The following CFAP54 variants were observed in gnomAD, a reference collection of about 807,000 sequenced individuals.
CFAP54 encodes cilia and flagella associated protein 54.
Under a neutral mutation model 370.4 loss-of-function variants are expected in CFAP54, and 290 were observed. The ratio of observed to expected loss-of-function variants is 0.78; its 90% CI spans 0.71 to 0.86. CFAP54 has a LOEUF of 0.86. CFAP54 is among the 40% of genes least tolerant of loss of function. The pLI is 0.00. For missense variants in CFAP54, 3,399 were observed against 3,528.7 expected (o/e 0.96, Z 0.93); for synonymous variants, 1,206 against 1,236.5 (o/e 0.98, Z 0.52).
intron 55 of CFAP54, among the ~76,000 whole-genome samples, chr12:96,745,270 C>CCACAGTGTG (rs1279738312): frequency 6.6e-6 from 1 of 152,152 alleles, no homozygotes; most frequent in Non-Finnish European, 1.5e-5. Flanking sequence ...CACACTGTCT[C>CCACAGTGTG]CACAGTGGTT....
At chr12:96,513,091 A>T in intron 5 of CFAP54, 47 bp downstream of exon 5, 1 of 1,199,136 alleles carries the variant, frequency 8.3e-7, no homozygotes, top group East Asian at 2.8e-5. Context: ...TTCCTGTTTT[A>T]TTTTTCTTAA....
chr12:96,533,979 A>G lies in CFAP54; in HGVS notation c.1539+6A>G, dbSNP rs538812437. On this transcript the variant is annotated splice_donor_region_variant and intron_variant, in intron 10 of 67. Coordinates refer to ENST00000524981, the MANE Select transcript of CFAP54 (RefSeq NM_001306084.2). ...ATCTTATTTATTTTCTCCAGGTAAT[A>G]TATGCAAAATTATCCTCCTGGTTTT... The G allele has an allele frequency of 4.6e-5, 69 of 1,503,094 alleles. No individual in the cohort carries two copies. In the African/African-American group the frequency reaches 7.0e-4, roughly 15 times the overall value. 93.1% of individuals were successfully genotyped at this position (1,503,094 alleles called of 1,614,324 possible). A position where few individuals can be genotyped will look rare whatever the true frequency, so the allele number is the denominator to read the frequency against.
intron 51 of CFAP54, among the ~76,000 whole-genome samples, chr12:96,741,382 C>T (rs556778374): frequency 6.7e-4 from 102 of 152,224 alleles, no homozygotes; most frequent in African/African-American, 2.1e-3. Context: ...AGGCTGGTCT[C>T]GAACTCCTGA....
At chr12:96,756,098 G>T (rs1958254511) in intron 56 of CFAP54, among the ~76,000 whole-genome samples, 1 of 152,146 alleles carries the variant, frequency 6.6e-6, no homozygotes, top group Admixed American at 6.6e-5. Context: ...TATCTGTGAA[G>T]GAGACAGGGG....
At chr12:96,796,863 C>CT (rs1223369165) in intron 63 of CFAP54, among the ~76,000 whole-genome samples, 2 of 151,942 alleles carry the variant, frequency 1.3e-5, no homozygotes, top group African/African-American at 4.8e-5. Context: ...GTTAATATAT[C>CT]TTTTTCTACT....
At chr12:96,873,143 G>A (rs1217174489) in intron 67 of CFAP54, among the ~76,000 whole-genome samples, 4 of 152,114 alleles carry the variant, frequency 2.6e-5, no homozygotes, top group African/African-American at 9.7e-5. Flanking sequence ...AAAGTTGCAT[G>A]CATCATAAAC....
intron 1 of CFAP54, among the ~76,000 whole-genome samples, chr12:96,498,771 T>G (rs571142908): frequency 6.6e-6 from 1 of 152,290 alleles, no homozygotes; most frequent in South Asian, 2.1e-4. Flanking sequence ...AAGAAAGAAT[T>G]GTTAAGTTGG....
chr12:96,729,839 A>G (rs990767409), intron 50 of CFAP54, among the ~76,000 whole-genome samples: 1 of 152,042 alleles, frequency 6.6e-6, no homozygotes, highest in African/African-American at 2.4e-5. Flanking sequence ...GGCTCCTCCA[A>G]GATGATTCTT....
At chr12:96,522,378 T>G (rs1257118214) in intron 8 of CFAP54, among the ~76,000 whole-genome samples, 189 bp downstream of exon 8, 1 of 152,212 alleles carries the variant, frequency 6.6e-6, no homozygotes, top group Non-Finnish European at 1.5e-5. Flanking sequence ...TCTCAAAGCT[T>G]TTGTGTCTTA....
intron 19 of CFAP54, among the ~76,000 whole-genome samples, chr12:96,571,505 G>A (rs17025550): frequency 0.32 from 49,056 of 151,934 alleles, 8,089 homozygotes; most frequent in South Asian, 0.39. Context: ...ACTGTGGTAG[G>A]TAGTATAAGA....
At position 96,537,490 on chromosome 12, in the gene CFAP54, C is replaced by T. The variant is rs1433261228; in HGVS notation, c.1792-894C>T. On this transcript the variant is annotated intron_variant, in intron 12 of 67. Coordinates refer to ENST00000524981, the MANE Select transcript of CFAP54 (RefSeq NM_001306084.2). ...CCAAGTAGCTGGGACTACAGGCACA[C>T]GACACCATGCCCAGCTACTTTTTAT... Among the ~76,000 whole-genome samples, 7 of 152,190 alleles carry T rather than the reference C, an allele frequency of 4.6e-5. No individual in the cohort carries two copies. The East Asian group carries it at 1.2e-3, about 25-fold the overall frequency.
chr12:96,811,903 T>G, intron 64 of CFAP54, 61 bp downstream of exon 64: 2 of 1,007,584 alleles, frequency 2.0e-6, no homozygotes, highest in Non-Finnish European at 2.8e-6. Context: ...GAATAGACTC[T>G]TTCAGTAATT....
intron 29 of CFAP54, 40 bp from the exon 30 acceptor site, chr12:96,626,773 G>T: frequency 8.7e-7 from 1 of 1,153,262 alleles, no homozygotes; most frequent in Non-Finnish European, 1.1e-6. Flanking sequence ...TAATAATTGA[G>T]TATATTGTTA....
intron 66 of CFAP54, among the ~76,000 whole-genome samples, chr12:96,838,168 C>T (rs999581175): frequency 1.1e-4 from 17 of 151,984 alleles, no homozygotes; most frequent in African/African-American, 3.1e-4. Context: ...CTTTGGAAGA[C>T]GAAGCAGAAA....
At chr12:96,510,178 G>A (rs1313322984) in intron 4 of CFAP54, among the ~76,000 whole-genome samples, 3 of 150,946 alleles carry the variant, frequency 2.0e-5, no homozygotes, top group South Asian at 2.1e-4. Context: ...GCTTGAACCC[G>A]GGGAGCAGAG....
chr12:96,775,536 A>G (rs1240860821), intron 60 of CFAP54, among the ~76,000 whole-genome samples: 1 of 152,240 alleles, frequency 6.6e-6, no homozygotes, highest in African/African-American at 2.4e-5. Flanking sequence ...TTAAAAATGT[A>G]AAAACCATTT....
At chr12:96,808,859 A>G (rs940123468) in intron 63 of CFAP54, among the ~76,000 whole-genome samples, 4 of 152,206 alleles carry the variant, frequency 2.6e-5, no homozygotes, top group African/African-American at 9.6e-5. Context: ...TACCATGACT[A>G]CATTCCCCTT....
At position 96,621,875 on chromosome 12, in the gene CFAP54, G is replaced by GTTTTTTTT. The variant is rs71068819; in HGVS notation, c.3771+179_3771+186dup. Reference sequence around the variant, plus strand: ...ATTATAGTAAAGAGCTTTTGGGTTTGTTTTTTTTTTTTTTTTTTTTTTTTT... The same window carrying GTTTTTTTT: ...ATTATAGTAAAGAGCTTTTGGGTTTGTTTTTTTTTTTTTTTTTTTTTTTTTTTTTTTTT... On this transcript the variant is annotated intron_variant, in intron 27 of 67. Transcript: ENST00000524981. Among the ~76,000 whole-genome samples the GTTTTTTTT allele has an allele frequency of 4.2e-3, 210 of 50,028 alleles. 33 individuals carry two copies. Among genetic ancestry groups the GTTTTTTTT allele is most frequent in the East Asian group, 0.013 (15 of 1,188 alleles). The allele number at this position is 50,028 out of a possible 152,430, so 32.8% of individuals were successfully genotyped here.
chr12:96,679,455 G>A (rs1017827281), intron 39 of CFAP54, 145 bp from the exon 40 acceptor site: 6 of 663,116 alleles, frequency 9.0e-6, no homozygotes, highest in East Asian at 6.6e-5. Context: ...TCTGAATGTT[G>A]AAACACCTGC....
Sources: gnomAD v4.1 joint callset for allele counts (sites outside exome capture counted in the v4.1 genomes callset) on GRCh38, gnomAD v4.1.1 for gene constraint, MANE v1.5 for transcripts, NCBI Gene and HGNC (gene_info 2026-07-23, HGNC 2026-07-21) for gene names.